Variants in RIF1 observed in about 807,000 individuals in gnomAD.
RIF1 encodes the protein replication timing regulatory factor 1.
In RIF1, 45 loss-of-function variants were observed where a neutral mutation model predicts 247.1. The ratio of observed to expected loss-of-function variants is 0.18; its 90% confidence interval spans 0.14 to 0.23. The LOEUF is 0.23. RIF1 is among the 10% of genes least tolerant of loss of function. RIF1 has a pLI of 1.00. For synonymous variants in RIF1, 1,087 were observed against 978.8 expected (o/e 1.11, Z -2.06); for missense variants, 2,967 against 2,862.5 (o/e 1.04, Z -0.83).
chr2:151,518,537 G>A, the RIF1 span: 2 of 702,076 alleles, frequency 2.8e-6, no homozygotes, highest in Non-Finnish European at 5.0e-6. Flanking sequence ...AACTAAAAAT[G>A]GCAAACACTA....
At position 151,414,946 on chromosome 2, in the gene RIF1, T is replaced by C. The variant is rs778077691; in HGVS notation, c.280+27T>C. ...TAGATAAATTTCTTATGACTTAATA[T>C]TTTTAGAGTATAAAGTATAAGTTTT... On this transcript the variant is annotated intron_variant, in intron 4 of 35. Coordinates refer to ENST00000444746, the MANE Select transcript of RIF1 (RefSeq NM_018151.5). 2.6e-5 allele frequency: 35 copies of C among 1,365,568 alleles called. 1 individual carries two copies. In the South Asian group the frequency reaches 4.2e-4, roughly 16 times the overall value. 84.6% of individuals were successfully genotyped at this position (1,365,568 alleles called of 1,614,324 possible).
At chr2:151,524,815 G>C in the RIF1 span, among the ~76,000 whole-genome samples, 89 of 151,696 alleles carry the variant, frequency 5.9e-4, 1 homozygote, top group Admixed American at 5.1e-3. Context: ...CTGCAGGTGT[G>C]CACCACCATG....
Position 151,468,165 on chromosome 2 carries a change from A to G in RIF1, c.6747+19A>G. 6.3e-7 allele frequency: 1 copy of G among 1,588,144 alleles called. No homozygotes were observed. The highest frequency in any genetic ancestry group is 8.6e-7 in the Non-Finnish European group (1 of 1,161,790). On this transcript the variant is annotated intron_variant, in intron 31 of 35. Coordinates refer to ENST00000444746, the MANE Select transcript of RIF1 (RefSeq NM_018151.5). ...ATCTAAGGTAAGCTATAGGCTTTAA[A>G]ATATACATATATGTATACCGACACA...
chr2:151,514,988 C>G, the RIF1 span: 1 of 1,069,882 alleles, frequency 9.3e-7, no homozygotes, highest in African/African-American at 1.6e-5. Context: ...ATATATCTCT[C>G]CATCTCAGGA....
chr2:151,446,659 C>G (rs1693321395), intron 20 of RIF1, 84 bp downstream of exon 20: 2 of 1,261,392 alleles, frequency 1.6e-6, no homozygotes, highest in Admixed American at 4.1e-5. Context: ...TGTGAACTGT[C>G]ACCTATTACT....
intron 8 of RIF1, among the ~76,000 whole-genome samples, chr2:151,427,561 T>G (rs1201821679): frequency 1.3e-5 from 2 of 151,666 alleles, no homozygotes; most frequent in South Asian, 2.1e-4. Flanking sequence ...TGAGCTCATA[T>G]TTTTCTTTTT....
chr2:151,503,382 C>G lies in RIF1; in HGVS notation c.*861+197C>G, dbSNP rs367633538. 23 of 1,612,610 alleles carry G rather than the reference C, an allele frequency of 1.4e-5. No individual in the cohort carries two copies. The highest frequency in any genetic ancestry group is 4.0e-5 in the African/African-American group (3 of 74,900). Reference sequence around the variant, plus strand: ...AGTTCTCTTGATTGCGTTTGACTCTCTCAATCTCTGGAGTCACAGTGGTTG... The same window carrying G: ...AGTTCTCTTGATTGCGTTTGACTCTGTCAATCTCTGGAGTCACAGTGGTTG... On this transcript the variant is annotated intron_variant and NMD_transcript_variant, in intron 12 of 13. Transcript: ENST00000454583.
In RIF1 at chr2:151,475,355, T is replaced by TAA. The variant is rs2048878117; in HGVS notation, c.*285_*286insAA. The TAA allele has an allele frequency of 2.8e-6, 1 of 350,988 alleles. No homozygotes were observed. The highest frequency in any genetic ancestry group is 3.1e-5 in the South Asian group (1 of 32,746). The allele number at this position is 350,988 out of a possible 1,614,324, so 21.7% of individuals were successfully genotyped here. A position where few individuals can be genotyped will look rare whatever the true frequency, so the allele number is the denominator to read the frequency against. On this transcript the variant is annotated 3_prime_UTR_variant, in exon 36 of 36. Transcript: ENST00000444746. ...TGAAAGCAAAACTAGTAACAGAACT[T>TAA]ACATTTTATTTCATGCTTTCTTAAA... is the stretch of plus-strand genomic sequence containing the variant.
intron 11 of RIF1, among the ~76,000 whole-genome samples, chr2:151,501,172 A>G (rs1487445408): frequency 1.3e-5 from 2 of 152,186 alleles, no homozygotes; most frequent in Non-Finnish European, 2.9e-5. Context: ...ATGAAAAGAG[A>G]AGGAAAGAAA....
chr2:151,461,420 T>G (rs1225824258), intron 27 of RIF1, 131 bp downstream of exon 27: 10 of 813,510 alleles, frequency 1.2e-5, no homozygotes, highest in Non-Finnish European at 1.9e-5. Context: ...GACACGGAGT[T>G]TCACTCTGTT....
At chr2:151,445,729 G>A (rs1035683370) in intron 19 of RIF1, among the ~76,000 whole-genome samples, 2 of 151,848 alleles carry the variant, frequency 1.3e-5, no homozygotes, top group Non-Finnish European at 2.9e-5. Context: ...TGTATTTTTA[G>A]TAGAAATGGA....
chr2:151,462,189 A>G, intron 27 of RIF1, 53 bp from the exon 28 acceptor site: 1 of 1,270,062 alleles, frequency 7.9e-7, no homozygotes. Context: ...TTAATTTCTA[A>G]TTGTAAGAAT....
At chr2:151,419,317 T>C (rs1363642416) in intron 6 of RIF1, among the ~76,000 whole-genome samples, 1 of 152,068 alleles carries the variant, frequency 6.6e-6, no homozygotes, top group Non-Finnish European at 1.5e-5. Flanking sequence ...AGTCATTTAT[T>C]TTTTGTTTTT....
intron 7 of RIF1, among the ~76,000 whole-genome samples, chr2:151,420,610 G>A (rs545075381): frequency 6.6e-6 from 1 of 151,810 alleles, no homozygotes; most frequent in Admixed American, 6.6e-5. Context: ...GGTGGCATGC[G>A]CCTGTAGTCT....
In RIF1 at chr2:151,435,451, T is replaced by C. The variant is rs370284677; in HGVS notation, c.1078-12T>C. 3.9e-5 allele frequency: 58 copies of C among 1,480,988 alleles called. No homozygotes were observed. Among genetic ancestry groups the C allele is most frequent in the Non-Finnish European group, 5.5e-5 (58 of 1,059,918 alleles). The allele number at this position is 1,480,988 out of a possible 1,614,324, so 91.7% of individuals were successfully genotyped here. On this transcript the variant is annotated splice_polypyrimidine_tract_variant and intron_variant, in intron 10 of 35. Transcript: ENST00000444746. Reference sequence around the variant, plus strand: ...TATAGTTTATAGATCGATGTTTTCTTTTACCCCATAGGTTTGTGTGCCTCT... The same window carrying C: ...TATAGTTTATAGATCGATGTTTTCTCTTACCCCATAGGTTTGTGTGCCTCT...
intron 22 of RIF1, among the ~76,000 whole-genome samples, chr2:151,455,831 A>G (rs1200018022): frequency 6.6e-6 from 1 of 152,190 alleles, no homozygotes; most frequent in East Asian, 1.9e-4. Context: ...TGTACCATAT[A>G]CATGAGAATC....
rs1257495033 is a variant in RIF1 at position 151,496,977 on chromosome 2, C to CATCT, written c.*513+1652_*513+1655dup. 5.7e-6 allele frequency: 9 copies of CATCT among 1,581,290 alleles called. No homozygotes were observed. The highest frequency in any genetic ancestry group is 2.3e-5 in the East Asian group (1 of 43,938). On this transcript the variant is annotated intron_variant and NMD_transcript_variant, in intron 10 of 13. Coordinates refer to the RIF1 transcript ENST00000454583. ...TTTCTTGATTGTGTTTGACTCTCTC[C>CATCT]ATCTCAGGAGTGACAGGTAGAGGGG...
Position 151,473,665 on chromosome 2 carries a change from C to T in RIF1, c.7096-299C>T, listed in dbSNP as rs182694046. Among the ~76,000 whole-genome samples the T allele has an allele frequency of 1.1e-4, 17 of 152,220 alleles. No individual in the cohort carries two copies. In the East Asian group the frequency reaches 3.3e-3, roughly 29 times the overall value. On this transcript the variant is annotated intron_variant, in intron 34 of 35. Coordinates refer to ENST00000444746, the MANE Select transcript of RIF1 (RefSeq NM_018151.5). ...GGTATAGACTTTTTTATACCACATT[C>T]TTAAACTTGGGAAATAGAATGTAAT...
chr2:151,441,449 C>T (rs956054210), intron 15 of RIF1, among the ~76,000 whole-genome samples: 2 of 152,086 alleles, frequency 1.3e-5, no homozygotes, highest in Non-Finnish European at 2.9e-5. Flanking sequence ...ATTCATATAG[C>T]AGTATTTTTA....
Sources: allele counts gnomAD v4.1 joint callset (sites outside exome capture counted in the v4.1 genomes callset), GRCh38; gene constraint gnomAD v4.1.1; transcripts MANE v1.5; gene names NCBI Gene and HGNC (gene_info 2026-07-23, HGNC 2026-07-21).